Variants in TMPRSS9 observed in about 807,000 individuals in gnomAD.
TMPRSS9 encodes the protein transmembrane protease serine 9.
In TMPRSS9, 113 loss-of-function variants were observed where a neutral mutation model predicts 111.4. That is an observed-to-expected ratio of 1.01 (90% CI 0.87 to 1.19). TMPRSS9 has a LOEUF of 1.19. Ranked by LOEUF, TMPRSS9 falls within the 50% of genes most tolerant of loss-of-function variation. The pLI is 0.00. For missense variants in TMPRSS9, 1,803 were observed against 1,513.1 expected, an observed-to-expected ratio of 1.19 and a Z score of -3.18; for synonymous variants, 805 against 659.1, an observed-to-expected ratio of 1.22 and a Z score of -3.39.
chr19:2,421,862 TG>T lies in TMPRSS9; in HGVS notation c.2168del (p.Gly723AlafsTer18). ...CTTTCCTTCCTTTCTAGGGTGACTC[TG>T]GGGGCCCCCTGGCCTGCGAGGAGGC... is the stretch of plus-strand genomic sequence containing the variant. On this transcript the variant is annotated frameshift_variant, in exon 14 of 18. Coordinates refer to ENST00000648592, the Ensembl canonical transcript of TMPRSS9. LOFTEE classifies it high-confidence loss of function. 1 of 1,601,822 alleles carries T rather than the reference TG, an allele frequency of 6.2e-7. No individual in the cohort carries two copies. Among genetic ancestry groups the T allele is most frequent in the Non-Finnish European group, 8.5e-7 (1 of 1,173,548 alleles).
intron 1 of TMPRSS9, among the ~76,000 whole-genome samples, chr19:2,394,991 G>T (rs1175436449): frequency 1.3e-5 from 2 of 152,224 alleles, no homozygotes; most frequent in African/African-American, 4.8e-5. Flanking sequence ...CTAAAAACCA[G>T]TGCTTTCTGC....
At chr19:2,364,455 T>C (rs569973955) in intron 1 of TMPRSS9, among the ~76,000 whole-genome samples, 37 of 152,226 alleles carry the variant, frequency 2.4e-4, no homozygotes, top group African/African-American at 7.5e-4. Flanking sequence ...ACTATGTTGA[T>C]CAGGCTGGTC....
At chr19:2,364,939 A>G (rs1459275799) in intron 1 of TMPRSS9, among the ~76,000 whole-genome samples, 2 of 151,246 alleles carry the variant, frequency 1.3e-5, no homozygotes, top group Non-Finnish European at 1.5e-5. Context: ...GGATCGCGCC[A>G]CTGCACTCCA....
chr19:2,374,890 A>T (rs960956868), intron 1 of TMPRSS9, among the ~76,000 whole-genome samples: 1 of 152,078 alleles, frequency 6.6e-6, no homozygotes, highest in Non-Finnish European at 1.5e-5. Flanking sequence ...ATCCCTGTAG[A>T]AGTTCCTGCT....
At chr19:2,410,551 G>C (rs534534415) in intron 9 of TMPRSS9, among the ~76,000 whole-genome samples, 157 bp downstream of exon 10, 15 of 152,270 alleles carry the variant, frequency 9.9e-5, no homozygotes, top group Non-Finnish European at 1.8e-4. Flanking sequence ...AATGCTGGGC[G>C]ATTCACAGAT....
intron 7 of TMPRSS9, among the ~76,000 whole-genome samples, chr19:2,407,100 C>T (rs1260901503): frequency 5.3e-5 from 8 of 151,828 alleles, no homozygotes; most frequent in African/African-American, 1.9e-4. Flanking sequence ...GCACCCGGCT[C>T]GATATCATTT....
chr19:2,403,967 T>TG (rs1295092884), intron 6 of TMPRSS9, among the ~76,000 whole-genome samples: 3 of 127,924 alleles, frequency 2.3e-5, no homozygotes, highest in African/African-American at 6.2e-5. Flanking sequence ...CACTCCAGCC[T>TG]GGCAACAGAG....
intron 1 of TMPRSS9, among the ~76,000 whole-genome samples, chr19:2,391,237 C>CAAAGAAAA (rs1970584092): frequency 1.9e-5 from 1 of 53,050 alleles, no homozygotes; most frequent in Non-Finnish European, 3.0e-5. Flanking sequence ...AATTCCATCT[C>CAAAGAAAA]AAAAAAAAAA....
At chr19:2,397,093 G>C (rs1970726736) in intron 2 of TMPRSS9, among the ~76,000 whole-genome samples, 1 of 151,550 alleles carries the variant, frequency 6.6e-6, no homozygotes, top group African/African-American at 2.4e-5. Context: ...GCTGATTTTT[G>C]TATTTTTAGT....
chr19:2,406,070 G>C (rs71339103), intron 7 of TMPRSS9, among the ~76,000 whole-genome samples: 1 of 124,984 alleles, frequency 8.0e-6, no homozygotes, highest in Non-Finnish European at 1.7e-5. Context: ...GAGTGCAGTG[G>C]CGTGATCTCG....
At chr19:2,373,911 C>G (rs899129467) in intron 1 of TMPRSS9, among the ~76,000 whole-genome samples, 1 of 152,196 alleles carries the variant, frequency 6.6e-6, no homozygotes, top group African/African-American at 2.4e-5. Flanking sequence ...CTTTAGGAAA[C>G]TTGTCAGCTT....
At chr19:2,418,306 T>TCCGTTTCC (rs1491213680) in intron 13 of TMPRSS9, among the ~76,000 whole-genome samples, 168 bp downstream of exon 14, 1 of 53,376 alleles carries the variant, frequency 1.9e-5, no homozygotes, top group African/African-American at 1.5e-4. Context: ...CTTCCCTCCC[T>TCCGTTTCC]TTCCCTCCCT....
chr19:2,368,788 T>TTTTTTTTTTG lies in TMPRSS9; in HGVS notation c.-26+8437_-26+8438insGTTTTTTTTT, dbSNP rs1568465413. Among the ~76,000 whole-genome samples the TTTTTTTTTTG allele has an allele frequency of 9.6e-5, 11 of 114,400 alleles. 1 individual carries two copies. The highest frequency in any genetic ancestry group is 4.6e-4 in the African/African-American group (11 of 23,742). 75.1% of individuals were successfully genotyped at this position (114,400 alleles called of 152,430 possible). A position where few individuals can be genotyped will look rare whatever the true frequency, so the allele number is the denominator to read the frequency against. ...GGATAAACCCAGTTTTTTTTTTTTT[T>TTTTTTTTTTG]TTTTTTTTTTTTTAAAGACAGAGTC... On this transcript the variant is annotated intron_variant, in intron 1 of 17. Coordinates refer to the TMPRSS9 transcript ENST00000649857.
chr19:2,400,446 G>A (rs1435541879), intron 4 of TMPRSS9, among the ~76,000 whole-genome samples: 1 of 152,130 alleles, frequency 6.6e-6, no homozygotes, highest in Admixed American at 6.6e-5. Context: ...GGAGGCTGAG[G>A]CAGGAGAATT....
At chr19:2,386,052 C>T (rs1970468399), upstream of TMPRSS9, among the ~76,000 whole-genome samples, 1 of 152,062 alleles carries the variant, frequency 6.6e-6, no homozygotes. Context: ...TCAAGCAGTC[C>T]TCCCACCTCA....
chr19:2,405,469 G>GA lies in TMPRSS9; in HGVS notation c.767dup (p.Asn257GlufsTer25). 2 of 1,608,776 alleles carry GA rather than the reference G, an allele frequency of 1.2e-6. No individual in the cohort carries two copies. Among genetic ancestry groups the GA allele is most frequent in the South Asian group, 2.2e-5 (2 of 90,344 alleles). On this transcript the variant is annotated frameshift_variant, in exon 7 of 18. Transcript: ENST00000648592. LOFTEE classifies it high-confidence loss of function. ...GTTTCCGTGGCAAGCCAGCCTTCGA[G>GA]AGAACAAGGAGCACTTCTGTGGGGC...
At chr19:2,413,271 G>T (rs1010388325) in intron 9 of TMPRSS9, among the ~76,000 whole-genome samples, 2 of 152,106 alleles carry the variant, frequency 1.3e-5, no homozygotes, top group Non-Finnish European at 2.9e-5. Context: ...GGTAAAAAAT[G>T]GTGAGGCCGG....
At chr19:2,403,152 C>G (rs781543845) in exon 6 of TMPRSS9, 4 of 1,612,366 alleles carry the variant, frequency 2.5e-6, no homozygotes, top group Non-Finnish European at 2.5e-6. Context: ...CGGAGTGTGA[C>G]GACCAGGAGG....
chr19:2,406,109 C>A (rs1300751885), intron 7 of TMPRSS9, among the ~76,000 whole-genome samples: 2 of 145,136 alleles, frequency 1.4e-5, no homozygotes, highest in African/African-American at 2.6e-5. Flanking sequence ...CTCCCGGGTT[C>A]ACGCCATTCT....
Sources: gnomAD v4.1 joint callset for allele counts (sites outside exome capture counted in the v4.1 genomes callset) on GRCh38, gnomAD v4.1.1 for gene constraint, MANE v1.5 for transcripts, NCBI Gene and HGNC (gene_info 2026-07-23, HGNC 2026-07-21) for gene names.